Variants in STUM observed in about 807,000 individuals in gnomAD.
STUM encodes the protein protein stum homolog.
A neutral mutation model predicts 15.3 loss-of-function variants in STUM; 8 were observed. That is an observed-to-expected ratio of 0.52 (90% CI 0.31 to 0.94). STUM has a LOEUF of 0.94. Ranked by LOEUF, STUM falls within the 40% of genes least tolerant of loss-of-function variation. STUM has a pLI of 0.05. For missense variants in STUM, 142 were observed against 204.9 expected, an observed-to-expected ratio of 0.69 and a Z score of 1.87; for synonymous variants, 78 against 88.7, an observed-to-expected ratio of 0.88 and a Z score of 0.68.
intron 1 of STUM, among the ~76,000 whole-genome samples, chr1:226,583,793 C>T (rs1424365195): frequency 6.6e-6 from 1 of 152,164 alleles, no homozygotes; most frequent in Admixed American, 6.5e-5. Flanking sequence ...TGAGGCAGGG[C>T]TCTGGGACGG....
intron 1 of STUM, among the ~76,000 whole-genome samples, chr1:226,590,216 T>G (rs1668064743): frequency 6.6e-6 from 1 of 152,102 alleles, no homozygotes; most frequent in African/African-American, 2.4e-5. Flanking sequence ...AAGCTTAAGT[T>G]TCTCCCACTT....
At chr1:226,601,970 G>T in intron 3 of STUM, 36 bp from the exon 4 acceptor site, 2 of 1,601,066 alleles carry the variant, frequency 1.2e-6, no homozygotes, top group African/African-American at 1.3e-5. Context: ...AAGTAAGCAG[G>T]TGTCTAACCA....
At chr1:226,564,279 C>A (rs1044214544) in intron 1 of STUM, among the ~76,000 whole-genome samples, 12 of 152,176 alleles carry the variant, frequency 7.9e-5, no homozygotes, top group Middle Eastern at 3.2e-3. Flanking sequence ...AGCTAGGTTA[C>A]CCTGTTTCAA....
rs1453206379 is a variant in STUM, at chr1:226,564,274, G to A, written c.202+15168G>A. 2.0e-5 allele frequency among the ~76,000 whole-genome samples: 3 copies of A among 152,330 alleles called. No individual in the cohort carries two copies. The East Asian group carries it at 5.8e-4, about 29-fold the overall frequency. Reference sequence around the variant, plus strand: ...AGTTTCCCTGAGGACTTAGGAGCTAGGTTACCCTGTTTCAAGATGTCGGTC... The same window carrying A: ...AGTTTCCCTGAGGACTTAGGAGCTAAGTTACCCTGTTTCAAGATGTCGGTC... On this transcript the variant is annotated intron_variant, in intron 1 of 3. Coordinates refer to ENST00000366788, the MANE Select transcript of STUM (RefSeq NM_001003665.4).
chr1:226,597,116 C>T (rs1668194989), intron 2 of STUM, 135 bp downstream of exon 2: 3 of 849,170 alleles, frequency 3.5e-6, no homozygotes, highest in Admixed American at 2.1e-5. Context: ...TTGCCCGTGT[C>T]CTCTTCACAA....
intron 1 of STUM, among the ~76,000 whole-genome samples, chr1:226,557,023 C>T (rs1241560620): frequency 6.6e-6 from 1 of 152,078 alleles, no homozygotes; most frequent in African/African-American, 2.4e-5. Context: ...TTGAAATGTA[C>T]GATACTCTAT....
In STUM at chr1:226,606,265, C is replaced by G. The variant is rs967053527; in HGVS notation, c.*4225C>G. 2.6e-5 allele frequency: 4 copies of G among 152,158 alleles called. No homozygotes were observed. Among genetic ancestry groups the G allele is most frequent in the African/African-American group, 7.2e-5 (3 of 41,438 alleles). The allele number at this position is 152,158 out of a possible 1,614,324, so 9.4% of individuals were successfully genotyped here. On this transcript the variant is annotated 3_prime_UTR_variant, in exon 4 of 4. Transcript: ENST00000366788. ...CGTGGCTCTTTAAAATACAAAACAC[C>G]CACAAAGCCAAAAACCCTGAAACAT...
chr1:226,559,879 A>G (rs1667509805), intron 1 of STUM, among the ~76,000 whole-genome samples: 1 of 152,096 alleles, frequency 6.6e-6, no homozygotes, highest in Admixed American at 6.6e-5. Flanking sequence ...AGGCTGAGGC[A>G]GGAGAATGGC....
rs1195013216 is a variant in STUM at position 226,596,902 on chromosome 1, C to A, written c.303C>A (p.Leu101=). ...CVFWLNIAAA[L]IQILTAIVMV... is the part of the protein sequence containing the mutation. ...TCTGGCTGAACATTGCAGCAGCCCT[C>A]ATCCAAATCCTCACTGCCATCGTCA... is the stretch of plus-strand genomic sequence containing the variant. The change falls in exon 2 of 4, where the codon CTC becomes CTA. Residue 101 remains leucine, a synonymous_variant. Transcript: ENST00000366788. The A allele has an allele frequency of 6.2e-7, 1 of 1,614,248 alleles. No homozygotes were observed. The highest frequency in any genetic ancestry group is 1.1e-5 in the South Asian group (1 of 91,088).
chr1:226,590,147 G>A (rs1163201833), intron 1 of STUM, among the ~76,000 whole-genome samples: 1 of 151,448 alleles, frequency 6.6e-6, no homozygotes, highest in Non-Finnish European at 1.5e-5. Flanking sequence ...TCCCCTACTT[G>A]GTTATGTCTT....
At chr1:226,551,045 T>C (rs752126651) in intron 1 of STUM, among the ~76,000 whole-genome samples, 4 of 151,670 alleles carry the variant, frequency 2.6e-5, no homozygotes, top group Non-Finnish European at 4.4e-5. Context: ...GGTGCACAGA[T>C]TTCTGAATTT....
rs1174821093 is a variant in STUM, at chr1:226,550,069, G to T, written c.202+963G>T. On this transcript the variant is annotated intron_variant, in intron 1 of 3. Transcript: ENST00000366788. ...CCCCCCTCTCCCGTGCCCGCCCGAAGAACCAGGCGCCCCAGTGCCCTCTCC... is the reference window on the plus strand; with the variant it reads ...CCCCCCTCTCCCGTGCCCGCCCGAATAACCAGGCGCCCCAGTGCCCTCTCC... Among the ~76,000 whole-genome samples, 3 of 152,180 alleles carry T rather than the reference G, an allele frequency of 2.0e-5. No homozygotes were observed. In the East Asian group the frequency reaches 5.8e-4, roughly 29 times the overall value.
At position 226,549,006 on chromosome 1, in the gene STUM, G is replaced by C. The variant is rs751445048; in HGVS notation, c.102G>C (p.Gln34His). 1.3e-6 allele frequency: 2 copies of C among 1,573,520 alleles called. No homozygotes were observed. Among genetic ancestry groups the C allele is most frequent in the Non-Finnish European group, 1.7e-6 (2 of 1,163,338 alleles). Reference sequence around the variant, plus strand: ...CCTCGTCCAGCGGGGTGGTGGTGCAGGTCCGCGAGAAGAAGGGCCCCCTGC... The same window carrying C: ...CCTCGTCCAGCGGGGTGGTGGTGCACGTCCGCGAGAAGAAGGGCCCCCTGC... ...GASSSSGVVV[Q>H]VREKKGPLRA... Residue 34 changes from glutamine (Q) to histidine (H), a missense_variant, in exon 1 of 4, where the codon CAG becomes CAC. This residue lies in a region of STUM where 113 missense variants were observed against 134.4 expected (regional missense o/e 0.84). Transcript: ENST00000366788. This position sits in a 1 kb window ranked among gnomAD's most constrained non-coding sequence, Gnocchi z 6.8.
chr1:226,602,058 G>T lies in STUM; in HGVS notation c.*18G>T, dbSNP rs188971820. On this transcript the variant is annotated 3_prime_UTR_variant, in exon 4 of 4. Coordinates refer to ENST00000366788, the MANE Select transcript of STUM (RefSeq NM_001003665.4). ...AGCTGTGAGCCCACGGGAGCCGCTG[G>T]GGAGATCCAGGGGGGCCCTGTGAGG... 941 of 1,601,578 alleles carry T rather than the reference G, an allele frequency of 5.9e-4. 11 individuals carry two copies. The African/African-American group carries it at 0.01, about 17-fold the overall frequency.
rs77703094 is a variant in STUM at position 226,600,238 on chromosome 1, G to A, written c.383-428G>A. ...CACTTGAGACCAGGAGTTTGAGGCT[G>A]CAGTGAGACATGATCACACCACTAT... is the stretch of plus-strand genomic sequence containing the variant. On this transcript the variant is annotated intron_variant, in intron 2 of 3. Transcript: ENST00000366788. This position sits in a 1 kb window ranked among gnomAD's most constrained non-coding sequence, Gnocchi z 5.2. Among the ~76,000 whole-genome samples, 2,169 of 152,332 alleles carry A rather than the reference G, an allele frequency of 0.014. 23 individuals are homozygous for A. Among genetic ancestry groups the A allele is most frequent in the Middle Eastern group, 0.037 (11 of 294 alleles).
intron 2 of STUM, among the ~76,000 whole-genome samples, chr1:226,598,852 G>T (rs180900223): frequency 6.6e-6 from 1 of 152,164 alleles, no homozygotes; most frequent in Non-Finnish European, 1.5e-5. Flanking sequence ...AATGCTTTTG[G>T]GGGGTGTATT....
At chr1:226,570,156 C>T (rs1344960265) in intron 1 of STUM, among the ~76,000 whole-genome samples, 2 of 152,172 alleles carry the variant, frequency 1.3e-5, no homozygotes, top group East Asian at 3.9e-4. Context: ...AGGGCTGTCA[C>T]CCGGAGCTCT....
intron 1 of STUM, among the ~76,000 whole-genome samples, chr1:226,571,179 C>G (rs370088346): frequency 6.6e-6 from 1 of 151,954 alleles, no homozygotes; most frequent in African/African-American, 2.4e-5. Flanking sequence ...TGCAGTGAGC[C>G]GAGATCACAT....
intron 1 of STUM, among the ~76,000 whole-genome samples, chr1:226,588,352 G>A (rs1270970626): frequency 1.3e-5 from 2 of 152,226 alleles, no homozygotes; most frequent in African/African-American, 2.4e-5. Flanking sequence ...CTTGTGCTCT[G>A]TTCTGGAGTG....
Sources: allele counts gnomAD v4.1 joint callset (sites outside exome capture counted in the v4.1 genomes callset), GRCh38; gene constraint gnomAD v4.1.1; regional missense constraint gnomAD v4.1.1; non-coding constraint Gnocchi (gnomAD v3.1); transcripts MANE v1.5; gene names NCBI Gene and HGNC (gene_info 2026-07-23, HGNC 2026-07-21).